The following ATP8A1 variants were observed in gnomAD, a reference collection of about 807,000 sequenced individuals.
ATP8A1 encodes phospholipid-transporting ATPase IA.
In ATP8A1, 90 loss-of-function variants were observed where a neutral mutation model predicts 177.7. That is an observed-to-expected ratio of 0.51 (90% CI 0.43 to 0.60). ATP8A1 has a LOEUF of 0.60. ATP8A1 is among the 20% of genes least tolerant of loss of function. The pLI is 0.00. For missense variants in ATP8A1, 1,072 were observed against 1,392.8 expected, an observed-to-expected ratio of 0.77 and a Z score of 3.67; for synonymous variants, 493 against 485.9, an observed-to-expected ratio of 1.01 and a Z score of -0.19.
At chr4:42,470,835 G>A (rs969219750) in intron 25 of ATP8A1, among the ~76,000 whole-genome samples, 6 of 152,102 alleles carry the variant, frequency 3.9e-5, no homozygotes, top group Non-Finnish European at 8.8e-5. Flanking sequence ...CTATTTAGAG[G>A]TCAGAATCAT....
intron 2 of ATP8A1, 35 bp downstream of exon 2, chr4:42,626,960 T>C (rs752051812): frequency 3.0e-5 from 46 of 1,509,020 alleles, no homozygotes; most frequent in Non-Finnish European, 3.7e-5. Context: ...TCTGCTCTGC[T>C]GGCTGGTCTC....
intron 1 of ATP8A1, among the ~76,000 whole-genome samples, chr4:42,651,445 G>A (rs1172701588): frequency 6.6e-6 from 1 of 152,154 alleles, no homozygotes; most frequent in Non-Finnish European, 1.5e-5. Flanking sequence ...CCAAAATGCT[G>A]ATAATGATAC....
chr4:42,446,799 T>C (rs1484943629), intron 30 of ATP8A1, among the ~76,000 whole-genome samples, 155 bp from the exon 31 acceptor site: 1 of 151,174 alleles, frequency 6.6e-6, no homozygotes, highest in Non-Finnish European at 1.5e-5. Context: ...CCAAACACTC[T>C]TGAGTGCTAA....
chr4:42,518,143 A>G (rs1725746424), intron 22 of ATP8A1, among the ~76,000 whole-genome samples: 1 of 152,244 alleles, frequency 6.6e-6, no homozygotes, highest in Non-Finnish European at 1.5e-5. Context: ...CAGTTTGAAC[A>G]AACATTGGAG....
At chr4:42,476,051 T>A (rs925877008) in intron 25 of ATP8A1, among the ~76,000 whole-genome samples, 12 of 151,596 alleles carry the variant, frequency 7.9e-5, no homozygotes, top group African/African-American at 2.9e-4. Flanking sequence ...AAAAAAAAGA[T>A]TAAAATACTA....
At chr4:42,419,013 G>A (rs1291523007) in intron 35 of ATP8A1, among the ~76,000 whole-genome samples, 3 of 152,166 alleles carry the variant, frequency 2.0e-5, no homozygotes, top group African/African-American at 7.2e-5. Flanking sequence ...CAACTCACAA[G>A]ATCTTTCTTA....
At chr4:42,586,287 G>A in intron 9 of ATP8A1, 62 bp downstream of exon 9, 1 of 1,562,372 alleles carries the variant, frequency 6.4e-7, no homozygotes, top group South Asian at 1.2e-5. Flanking sequence ...AGACTTAGAA[G>A]ACACAGCAAT....
At chr4:42,508,480 C>T (rs185960985) in intron 22 of ATP8A1, among the ~76,000 whole-genome samples, 24 of 152,324 alleles carry the variant, frequency 1.6e-4, no homozygotes, top group Admixed American at 5.2e-4. Flanking sequence ...TCTTCCTAAA[C>T]GGAGATGGTA....
At chr4:42,481,961 G>A (rs1051976082) in intron 25 of ATP8A1, among the ~76,000 whole-genome samples, 1 of 152,104 alleles carries the variant, frequency 6.6e-6, no homozygotes, top group African/African-American at 2.4e-5. Context: ...AGGTTATGCA[G>A]GTAAATACTC....
chr4:42,448,317 T>A (rs996814393), intron 30 of ATP8A1, among the ~76,000 whole-genome samples: 1 of 151,488 alleles, frequency 6.6e-6, no homozygotes, highest in Non-Finnish European at 1.5e-5. Context: ...ACTATTTTAA[T>A]AATCTTTTCC....
At chr4:42,575,049 T>C (rs970738729) in intron 13 of ATP8A1, among the ~76,000 whole-genome samples, 2 of 152,216 alleles carry the variant, frequency 1.3e-5, no homozygotes, top group Non-Finnish European at 2.9e-5. Context: ...AACAGGCAAT[T>C]GTAGAATTTG....
At chr4:42,656,085 T>C (rs756106936) in intron 1 of ATP8A1, among the ~76,000 whole-genome samples, 1 of 151,744 alleles carries the variant, frequency 6.6e-6, no homozygotes, top group East Asian at 1.9e-4. Flanking sequence ...CGATGAAGAG[T>C]CTGGGCCCTC....
intron 20 of ATP8A1, among the ~76,000 whole-genome samples, chr4:42,526,181 A>C (rs1201392146): frequency 1.3e-5 from 2 of 151,978 alleles, no homozygotes; most frequent in African/African-American, 4.8e-5. Context: ...AGCGGAAGAC[A>C]CTGACGTTTA....
chr4:42,426,705 T>TGAA (rs1714663657), intron 33 of ATP8A1, among the ~76,000 whole-genome samples: 1 of 152,252 alleles, frequency 6.6e-6, no homozygotes, highest in Non-Finnish European at 1.5e-5. Context: ...TCCCATGAGC[T>TGAA]TCATGGAAGC....
At chr4:42,456,621 G>GT (rs1171627217) in intron 27 of ATP8A1, among the ~76,000 whole-genome samples, 1 of 152,082 alleles carries the variant, frequency 6.6e-6, no homozygotes, top group African/African-American at 2.4e-5. Context: ...CTACGTTATT[G>GT]TTTTTAAAAA....
At chr4:42,507,281 C>T (rs1724467368) in intron 22 of ATP8A1, 127 bp from the exon 23 acceptor site, 1 of 963,674 alleles carries the variant, frequency 1.0e-6, no homozygotes, top group African/African-American at 1.7e-5. Flanking sequence ...GGTGTAAATT[C>T]CAACTATCCC....
rs945932618 is a variant in ATP8A1, at chr4:42,571,503, G to A, written c.1296-2298C>T. On this transcript the variant is annotated intron_variant, in intron 14 of 36. Transcript: ENST00000381668. ...TTTTACAAAGATGGCACTTAGGACTGTATCCCAGAATCTTCACTCTATTGA... is the reference window on the plus strand; with the variant it reads ...TTTTACAAAGATGGCACTTAGGACTATATCCCAGAATCTTCACTCTATTGA... Among the ~76,000 whole-genome samples, 101 of 145,818 alleles carry A rather than the reference G, an allele frequency of 6.9e-4. 1 individual carries two copies. Among genetic ancestry groups the A allele is most frequent in the African/African-American group, 2.2e-3 (86 of 39,300 alleles).
rs1203484427 is a variant in ATP8A1, at chr4:42,572,310, C to G, written c.1295+2309G>C. Among the ~76,000 whole-genome samples, 17 of 150,540 alleles carry G rather than the reference C, an allele frequency of 1.1e-4. 1 individual carries two copies. The highest frequency in any genetic ancestry group is 1.1e-3 in the Admixed American group (17 of 15,134). ...CAGGTCATTTCCCCCATCTGGATTCCCATAATCCAAGAGTGCCCAGAGGAA... is the reference window on the plus strand; with the variant it reads ...CAGGTCATTTCCCCCATCTGGATTCGCATAATCCAAGAGTGCCCAGAGGAA... On this transcript the variant is annotated intron_variant, in intron 14 of 36. Coordinates refer to ENST00000381668, the MANE Select transcript of ATP8A1 (RefSeq NM_006095.2).
chr4:42,455,527 C>G lies in ATP8A1; in HGVS notation c.2692G>C (p.Val898Leu), dbSNP rs151327910. Residue 898 changes from valine to leucine, a missense_variant and splice_region_variant, in exon 28 of 37, where the codon GTG becomes CTG. This residue lies in a region of ATP8A1 where 316 missense variants were observed against 459.1 expected (regional missense o/e 0.69). Coordinates refer to ENST00000381668, the MANE Select transcript of ATP8A1 (RefSeq NM_006095.2). ...FERWCIGLYN[V>L]MFTAMPPLTL... ...ATTATCAAATGTCCTAAACTTACCA[C>G]GTTATAGAGACCTATACACCATCTT... 3 of 1,613,428 alleles carry G rather than the reference C, an allele frequency of 1.9e-6. No homozygotes were observed. The highest frequency in any genetic ancestry group is 2.7e-5 in the African/African-American group (2 of 74,864).
Sources: allele counts gnomAD v4.1 joint callset (sites outside exome capture counted in the v4.1 genomes callset), GRCh38; gene constraint gnomAD v4.1.1; regional missense constraint gnomAD v4.1.1; transcripts MANE v1.5; gene names NCBI Gene and HGNC (gene_info 2026-07-23, HGNC 2026-07-21).